The following DST variants were observed in gnomAD, a reference collection of about 807,000 sequenced individuals.
DST encodes dystonin.
In DST, 253 loss-of-function variants were observed where a neutral mutation model predicts 875.2. The ratio of observed to expected loss-of-function variants is 0.29; its 90% CI spans 0.26 to 0.32. The LOEUF (loss-of-function observed/expected upper bound fraction) is 0.32, where lower values mean the gene tolerates loss of function less well. Among genes scored for constraint, DST ranks in the 10% least tolerant of loss-of-function variants. The pLI, the probability that DST is intolerant of heterozygous loss-of-function variation, is 1.00. For missense variants in DST, 8,287 were observed against 9,111.6 expected (o/e 0.91, Z 3.68); for synonymous variants, 3,124 against 3,197.1 (o/e 0.98, Z 0.77).
intron 4 of DST, among the ~76,000 whole-genome samples, chr6:56,794,003 T>C (rs1038016419): frequency 1.3e-5 from 2 of 152,246 alleles, no homozygotes; most frequent in African/African-American, 2.4e-5. Context: ...ACCAACACAG[T>C]GTTTATAGGG....
intron 3 of DST, among the ~76,000 whole-genome samples, chr6:56,860,861 G>T (rs553670730): frequency 6.6e-6 from 1 of 152,230 alleles, no homozygotes; most frequent in African/African-American, 2.4e-5. Flanking sequence ...TCCCAAGCTT[G>T]GTTGTTAAAC....
intron 5 of DST, among the ~76,000 whole-genome samples, chr6:56,731,704 A>G (rs1396641733): frequency 1.3e-5 from 2 of 152,156 alleles, no homozygotes; most frequent in Admixed American, 6.5e-5. Flanking sequence ...CCAATCTCTT[A>G]TTGATGAACA....
rs752479916 is a variant in DST at position 56,701,875 on chromosome 6, C to T, written c.954+13G>A. The stretch of plus-strand genomic sequence containing the variant: ...TATATTTATATGATTACAGTATTTT[C>T]AAAACATCATACCTGGCGTCTTTTC... On this transcript the variant is annotated intron_variant, in intron 8 of 103. Coordinates refer to ENST00000680361, the MANE Select transcript of DST (RefSeq NM_001374736.1). 19 of 1,549,242 alleles carry T rather than the reference C, an allele frequency of 1.2e-5. No individual in the cohort carries two copies. The highest frequency in any genetic ancestry group is 1.7e-5 in the Admixed American group (1 of 58,312).
At chr6:56,664,205 G>T (rs1563543976) in intron 10 of DST, among the ~76,000 whole-genome samples, 1 of 152,130 alleles carries the variant, frequency 6.6e-6, no homozygotes, top group African/African-American at 2.4e-5. Flanking sequence ...TCATGTTCAT[G>T]CCTGCTCAGG....
At chr6:56,631,122 A>G (rs1324970274) in intron 30 of DST, 89 bp downstream of exon 30, 2 of 521,238 alleles carry the variant, frequency 3.8e-6, no homozygotes, top group East Asian at 6.0e-5. Context: ...GTTAATATTT[A>G]TATTAATAAA....
At chr6:56,614,862 T>C (rs1250228236) in intron 36 of DST, 1 of 993,614 alleles carries the variant, frequency 1.0e-6, no homozygotes, top group Non-Finnish European at 1.2e-6. Context: ...GCTGATAGAA[T>C]AGAGAACGTC....
chr6:56,650,802 A>T (rs538495227), intron 12 of DST, 124 bp downstream of exon 12: 1 of 592,498 alleles, frequency 1.7e-6, no homozygotes, highest in African/African-American at 1.9e-5. Context: ...ATCAAACAGC[A>T]TATTAACTCA....
intron 4 of DST, among the ~76,000 whole-genome samples, chr6:56,798,584 T>C (rs1397047406): frequency 1.3e-5 from 2 of 152,236 alleles, no homozygotes; most frequent in Non-Finnish European, 2.9e-5. Context: ...TCAATGTTTT[T>C]TTCATTCCTA....
intron 4 of DST, among the ~76,000 whole-genome samples, chr6:56,830,475 G>T (rs115554545): frequency 1.8e-3 from 268 of 152,212 alleles, no homozygotes; most frequent in African/African-American, 6.3e-3. Context: ...ATGTTACCAA[G>T]TATATGTCAT....
chr6:56,745,160 A>C (rs951180974), intron 4 of DST, among the ~76,000 whole-genome samples: 1 of 152,342 alleles, frequency 6.6e-6, no homozygotes, highest in South Asian at 2.1e-4. Flanking sequence ...ATTAAGAAAA[A>C]GTTTCCAAAA....
intron 2 of DST, among the ~76,000 whole-genome samples, chr6:56,938,783 CACA>C (rs1814649493): frequency 1.3e-5 from 2 of 152,118 alleles, no homozygotes; most frequent in Non-Finnish European, 2.9e-5. Context: ...CAAACCTAAC[CACA>C]TGTGAACCAG....
At chr6:56,583,757 T>C (rs1393438986) in intron 49 of DST, among the ~76,000 whole-genome samples, 1 of 152,374 alleles carries the variant, frequency 6.6e-6, no homozygotes, top group Middle Eastern at 3.4e-3. Context: ...TTAATCCATC[T>C]TGAATTAATT....
At chr6:56,584,529 T>C (rs2152661751) in intron 49 of DST, among the ~76,000 whole-genome samples, 1 of 150,598 alleles carries the variant, frequency 6.6e-6, no homozygotes, top group East Asian at 1.9e-4. Flanking sequence ...TACAATCATG[T>C]TGCCTGCAAA....
chr6:56,535,101 A>T (rs766028516), intron 63 of DST, 21 bp downstream of exon 63: 2 of 1,610,048 alleles, frequency 1.2e-6, no homozygotes, highest in Admixed American at 1.7e-5. Context: ...GAAACGCAAT[A>T]CAAAAGCATG....
At chr6:56,842,600 T>G (rs1358841465) in intron 4 of DST, among the ~76,000 whole-genome samples, 1 of 152,082 alleles carries the variant, frequency 6.6e-6, no homozygotes, top group Admixed American at 6.5e-5. Context: ...AGTCACAAAC[T>G]TTATCAAATA....
chr6:56,618,132 T>C, intron 36 of DST: 1 of 1,614,170 alleles, frequency 6.2e-7, no homozygotes, highest in Non-Finnish European at 8.5e-7. Context: ...TCAAAAGTTA[T>C]CTGTAACTCG....
rs757805111 is a variant in DST at position 56,640,172 on chromosome 6, C to T, written c.2461G>A (p.Asp821Asn). The change falls in exon 18 of 104, where the codon GAT becomes AAT. Residue 821 changes from aspartate (D) to asparagine (N), a missense_variant. By Grantham distance (23) the Asp-to-Asn change is conservative. This residue lies in a region of DST where 1,160 missense variants were observed against 1,424.3 expected (regional missense o/e 0.81). Coordinates refer to ENST00000680361, the MANE Select transcript of DST (RefSeq NM_001374736.1). ...ATCTCATCAACCCAATTCAAAAGAT[C>T]CTGAACAAATTTCATATTGATTTCT... ...EEEINMKFVQ[D>N]LLNWVDEMQV... 3 of 1,614,084 alleles carry T rather than the reference C, an allele frequency of 1.9e-6. No individual in the cohort carries two copies. In the South Asian group the frequency reaches 3.3e-5, roughly 18 times the overall value.
chr6:56,525,220 C>G (rs1321613483), intron 69 of DST, among the ~76,000 whole-genome samples: 1 of 152,098 alleles, frequency 6.6e-6, no homozygotes, highest in Non-Finnish European at 1.5e-5. Context: ...GGGAAACGTT[C>G]AAATACATTT....
chr6:56,509,241 C>T (rs1362536290), intron 74 of DST, among the ~76,000 whole-genome samples: 1 of 152,132 alleles, frequency 6.6e-6, no homozygotes, highest in Non-Finnish European at 1.5e-5. Flanking sequence ...TCAAAGATGG[C>T]TGGCTGTGGT....
Sources: gnomAD v4.1 joint callset for allele counts (sites outside exome capture counted in the v4.1 genomes callset) on GRCh38, gnomAD v4.1.1 for gene constraint, gnomAD v4.1.1 regional missense constraint, MANE v1.5 for transcripts, NCBI Gene and HGNC (gene_info 2026-07-23, HGNC 2026-07-21) for gene names.